ZNF157: variants seen among roughly 807,000 people sequenced by gnomAD.
ZNF157 encodes zinc finger protein 22.
A neutral mutation model predicts 9.4 loss-of-function variants in ZNF157; 8 were observed. That is an observed-to-expected ratio of 0.85 (90% confidence interval 0.50 to 1.53). ZNF157 has a LOEUF of 1.53. Ranked by LOEUF, ZNF157 falls within the 40% of genes most tolerant of loss-of-function variation. The pLI is 0.00. For missense variants in ZNF157, 316 were observed against 385.2 expected (o/e 0.82, Z 1.50); for synonymous variants, 120 against 130.8 (o/e 0.92, Z 0.56).
At chrX:47,376,089 G>T (rs1298658206) in intron 1 of ZNF157, among the ~76,000 whole-genome samples, 1 of 111,721 alleles carries the variant, frequency 9.0e-6, no homozygotes, top group East Asian at 2.8e-4. Context: ...TTGTATTTAA[G>T]GTTCCTCCAT....
chrX:47,410,530 GA>G, intron 2 of ZNF157, 128 bp downstream of exon 2: 1 of 988,615 alleles, frequency 1.0e-6, no homozygotes, highest in Non-Finnish European at 1.4e-6. Context: ...TAGGGCACCA[GA>G]AAAAATGTGT....
chrX:47,383,433 C>T (rs188919561), intron 1 of ZNF157, among the ~76,000 whole-genome samples: 2 of 96,545 alleles, frequency 2.1e-5, no homozygotes, highest in African/African-American at 3.8e-5. Flanking sequence ...TGGTGGCTCA[C>T]ACCTGTAATT....
At chrX:47,393,602 C>A (rs1043378374) in intron 1 of ZNF157, among the ~76,000 whole-genome samples, 3 of 110,545 alleles carry the variant, frequency 2.7e-5, no homozygotes, top group Non-Finnish European at 5.7e-5. Context: ...ACTCTGTCAT[C>A]CAGGCTGCTG....
At position 47,410,982 on chromosome X, in the gene ZNF157, G is replaced by A. The variant is rs112930054; in HGVS notation, c.295+207G>A. ...ACACTCAAACTTCAGTGCTTTCTCC[G>A]GTTTTATCTTGATTTTTTTTTTTTT... On this transcript the variant is annotated intron_variant, in intron 3 of 3. Transcript: ENST00000377073. Among the ~76,000 whole-genome samples, 632 of 107,422 alleles carry A rather than the reference G, an allele frequency of 5.9e-3. 10 individuals carry two copies. Among genetic ancestry groups the A allele is most frequent in the African/African-American group, 0.02 (558 of 27,971 alleles). The allele number at this position is 107,422 out of a possible 115,157, so 93.3% of individuals were successfully genotyped here.
chrX:47,396,660 A>C (rs1313410590), intron 1 of ZNF157, among the ~76,000 whole-genome samples: 1 of 112,037 alleles, frequency 8.9e-6, no homozygotes, highest in Non-Finnish European at 1.9e-5. Context: ...CTCAGCAGAC[A>C]CCTGAGCTGC....
chrX:47,402,107 A>C (rs908716488), intron 1 of ZNF157, among the ~76,000 whole-genome samples: 1 of 111,578 alleles, frequency 9.0e-6, no homozygotes, highest in Admixed American at 9.6e-5. Flanking sequence ...TTCCTTTTCA[A>C]AATTGCTTTG....
chrX:47,380,092 G>T (rs189887192), intron 1 of ZNF157, among the ~76,000 whole-genome samples: 123 of 110,592 alleles, frequency 1.1e-3, no homozygotes, highest in Non-Finnish European at 1.8e-3. Flanking sequence ...TTGGGATTAT[G>T]TTGAATCTCC....
intron 1 of ZNF157, chrX:47,392,425 C>T (rs184909947): frequency 8.9e-6 from 1 of 111,919 alleles, no homozygotes; most frequent in East Asian, 2.8e-4. Context: ...AATTTAGGGG[C>T]TACCCAGTTA....
At chrX:47,396,646 T>C (rs2055914359) in intron 1 of ZNF157, among the ~76,000 whole-genome samples, 1 of 112,255 alleles carries the variant, frequency 8.9e-6, no homozygotes, top group African/African-American at 3.2e-5. Context: ...CAGATCCCTT[T>C]GCCCTCAGCA....
chrX:47,387,974 A>T (rs773240713), intron 1 of ZNF157, among the ~76,000 whole-genome samples: 204 of 109,259 alleles, frequency 1.9e-3, no homozygotes, highest in Non-Finnish European at 3.4e-3. Context: ...TGATATTTAA[A>T]TTTTTTTATT....
intron 3 of ZNF157, among the ~76,000 whole-genome samples, chrX:47,411,727 A>T (rs779437675): frequency 9.0e-6 from 1 of 111,013 alleles, no homozygotes; most frequent in South Asian, 3.8e-4. Flanking sequence ...GCATTCATTC[A>T]TATATTCATT....
At chrX:47,409,779 G>A (rs1402976818) in intron 1 of ZNF157, among the ~76,000 whole-genome samples, 7 of 108,368 alleles carry the variant, frequency 6.5e-5, no homozygotes, top group Admixed American at 1.0e-4. Flanking sequence ...GAGTAGCTGG[G>A]ACTACAGATG....
intron 1 of ZNF157, among the ~76,000 whole-genome samples, chrX:47,384,632 C>T (rs1173660930): frequency 1.8e-5 from 2 of 112,299 alleles, no homozygotes; most frequent in African/African-American, 3.2e-5. Flanking sequence ...ACCTGGGGTG[C>T]CGCACAGACA....
At chrX:47,384,040 C>A (rs1208046631) in intron 1 of ZNF157, among the ~76,000 whole-genome samples, 2 of 108,430 alleles carry the variant, frequency 1.8e-5, no homozygotes, top group Non-Finnish European at 3.8e-5. Context: ...GAGGCCGAGG[C>A]GGGTGGATCA....
At chrX:47,393,151 T>TG (rs1348519506) in intron 1 of ZNF157, among the ~76,000 whole-genome samples, 2 of 13,150 alleles carry the variant, frequency 1.5e-4, no homozygotes, top group Non-Finnish European at 3.6e-4. Flanking sequence ...TGAGACTGTC[T>TG]CAAAAAAAAA....
chrX:47,408,421 G>C (rs748109757), intron 1 of ZNF157, among the ~76,000 whole-genome samples: 67 of 108,857 alleles, frequency 6.2e-4, no homozygotes, highest in Non-Finnish European at 9.3e-4. Flanking sequence ...ATATCTTTGT[G>C]TGTGTGTGTG....
At chrX:47,383,997 C>T (rs774644411) in intron 1 of ZNF157, among the ~76,000 whole-genome samples, 7 of 109,461 alleles carry the variant, frequency 6.4e-5, no homozygotes, top group Non-Finnish European at 1.3e-4. Context: ...TGGCTGGGTG[C>T]GGTTGCTCAC....
chrX:47,382,155 A>G (rs2055865172), intron 1 of ZNF157, among the ~76,000 whole-genome samples: 1 of 110,555 alleles, frequency 9.0e-6, no homozygotes, highest in African/African-American at 3.3e-5. Flanking sequence ...AGGGCAGAGG[A>G]AGCAATCAGA....
At chrX:47,399,518 T>TC (rs767649473) in intron 1 of ZNF157, among the ~76,000 whole-genome samples, 1 of 111,839 alleles carries the variant, frequency 8.9e-6, no homozygotes, top group African/African-American at 3.2e-5. Context: ...ATTAGCATCC[T>TC]CCCCCATCAC....
Sources: allele counts gnomAD v4.1 joint callset (sites outside exome capture counted in the v4.1 genomes callset), GRCh38; gene constraint gnomAD v4.1.1; transcripts MANE v1.5; gene names NCBI Gene and HGNC (gene_info 2026-07-23, HGNC 2026-07-21).